DLGAP2: variants seen among roughly 807,000 people sequenced by gnomAD.
DLGAP2 encodes the protein disks large-associated protein 2.
In DLGAP2, 26 loss-of-function variants were observed where a neutral mutation model predicts 100.3. That is an observed-to-expected ratio of 0.26 (90% CI 0.19 to 0.36). The LOEUF (loss-of-function observed/expected upper bound fraction) is 0.36. DLGAP2 is among the 10% of genes least tolerant of loss of function. The probability of loss-of-function intolerance (pLI) is 1.00; values close to 1 mark genes in which losing one functional copy is unlikely to be tolerated. For missense variants in DLGAP2, 1,858 were observed against 1,453.2 expected (o/e 1.28, Z -4.53); for synonymous variants, 886 against 630.1 (o/e 1.41, Z -6.08).
chr8:824,855 C>G (rs141707201), intron 1 of DLGAP2, among the ~76,000 whole-genome samples: 102 of 152,244 alleles, frequency 6.7e-4, no homozygotes, highest in African/African-American at 2.4e-3. Context: ...AGCCTCCAGC[C>G]GCAATTCACT....
chr8:1,676,496 T>C, intron 10 of DLGAP2, 37 bp from the exon 11 acceptor site: 1 of 1,593,634 alleles, frequency 6.3e-7, no homozygotes, highest in Non-Finnish European at 8.6e-7. Context: ...AGGCCCCATG[T>C]TTCAGTTCTA....
At chr8:1,339,733 C>A (rs1563092880) in intron 3 of DLGAP2, among the ~76,000 whole-genome samples, 1 of 152,174 alleles carries the variant, frequency 6.6e-6, no homozygotes, top group Non-Finnish European at 1.5e-5. Context: ...CGCATCAGGG[C>A]AGAGGAGCCA....
At chr8:960,237 C>CTTTTTTTTTTTTTTTTTTT (rs71528625) in intron 2 of DLGAP2, among the ~76,000 whole-genome samples, 3,003 of 44,482 alleles carry the variant, frequency 0.068, 1,174 homozygotes, top group East Asian at 0.17. Flanking sequence ...TGAAGTATAT[C>CTTTTTTTTTTTTTTTTTTT]TTTTTTTTTT....
intron 2 of DLGAP2, among the ~76,000 whole-genome samples, chr8:1,022,334 C>G (rs1801648548): frequency 6.8e-6 from 1 of 146,626 alleles, no homozygotes; most frequent in African/African-American, 2.5e-5. Context: ...AGTGGACGGT[C>G]CCGTGCCGAG....
intron 4 of DLGAP2, among the ~76,000 whole-genome samples, chr8:1,506,540 G>A (rs1222675996): frequency 1.3e-5 from 2 of 152,192 alleles, no homozygotes; most frequent in African/African-American, 2.4e-5. Context: ...CAAAGAGTGA[G>A]CAACAGCAAG....
chr8:866,880 C>G (rs896464053), intron 1 of DLGAP2, among the ~76,000 whole-genome samples: 1 of 152,146 alleles, frequency 6.6e-6, no homozygotes, highest in African/African-American at 2.4e-5. Context: ...AGCCGGTGTT[C>G]TCCTGTCGCC....
chr8:1,700,400 T>C (rs930030121), intron 14 of DLGAP2, among the ~76,000 whole-genome samples: 1 of 72,380 alleles, frequency 1.4e-5, no homozygotes, highest in African/African-American at 7.8e-5. Flanking sequence ...GGTCCCACTG[T>C]CTTTAGGAAC....
intron 8 of DLGAP2, among the ~76,000 whole-genome samples, chr8:1,659,227 CT>C (rs1453284803): frequency 1.3e-5 from 2 of 152,136 alleles, no homozygotes; most frequent in African/African-American, 2.4e-5. Context: ...GATTTCCATC[CT>C]TTTGCATTTG....
intron 2 of DLGAP2, among the ~76,000 whole-genome samples, chr8:1,251,515 C>T (rs1401217160): frequency 1.3e-5 from 2 of 152,194 alleles, no homozygotes; most frequent in African/African-American, 2.4e-5. Context: ...TGGCTCACTG[C>T]AGCCTCAAAT....
chr8:1,486,969 G>C (rs1295837813), intron 3 of DLGAP2, among the ~76,000 whole-genome samples: 1 of 152,120 alleles, frequency 6.6e-6, no homozygotes, highest in Non-Finnish European at 1.5e-5. Context: ...ACAATATTGG[G>C]GCCCGCCAAG....
chr8:1,423,441 G>A (rs1015689913), intron 3 of DLGAP2, among the ~76,000 whole-genome samples: 3 of 152,170 alleles, frequency 2.0e-5, no homozygotes, highest in East Asian at 3.9e-4. Flanking sequence ...TGTGCTCCGC[G>A]AGGTCTGATG....
At chr8:763,127 T>G (rs1351932958) in intron 1 of DLGAP2, among the ~76,000 whole-genome samples, 3 of 150,800 alleles carry the variant, frequency 2.0e-5, no homozygotes, top group Non-Finnish European at 2.9e-5. Context: ...CTGGTGGGTT[T>G]AGGAGTGCAG....
intron 3 of DLGAP2, among the ~76,000 whole-genome samples, chr8:1,277,277 C>G (rs2116941716): frequency 6.6e-6 from 1 of 152,282 alleles, no homozygotes; most frequent in South Asian, 2.1e-4. Flanking sequence ...ATATCTGTGC[C>G]TATGTAGCCC....
At chr8:1,106,398 AGGGTTTT>A (rs1469075257) in intron 2 of DLGAP2, among the ~76,000 whole-genome samples, 1 of 149,146 alleles carries the variant, frequency 6.7e-6, no homozygotes, top group Non-Finnish European at 1.5e-5. Flanking sequence ...CCATTCTAGG[AGGGTTTT>A]CTATTGAAGG....
intron 5 of DLGAP2, among the ~76,000 whole-genome samples, chr8:1,563,325 TG>T (rs1388223079): frequency 2.2e-5 from 1 of 45,890 alleles, no homozygotes; most frequent in African/African-American, 9.2e-5. Flanking sequence ...GCCTCGTTAC[TG>T]GGGGGCTGTG....
rs1009952321 is a variant in DLGAP2 at position 1,169,285 on chromosome 8, C to A, written c.74-89566C>A. ...TACCATGCTGTTTTGGTTACTGTAG[C>A]CTTGTAATATACTTTGAAGTCAGGT... On this transcript the variant is annotated intron_variant, in intron 2 of 14. Transcript: ENST00000637795. Among the ~76,000 whole-genome samples the A allele has an allele frequency of 1.2e-4, 19 of 152,262 alleles. 1 individual carries two copies. The highest frequency in any genetic ancestry group is 3.6e-4 in the African/African-American group (15 of 41,540).
chr8:1,115,032 C>A (rs1805073885), intron 2 of DLGAP2, among the ~76,000 whole-genome samples: 1 of 152,158 alleles, frequency 6.6e-6, no homozygotes, highest in African/African-American at 2.4e-5. Context: ...TTAACTTCTA[C>A]TTTTATTGTG....
At chr8:1,677,554 G>T (rs1223925742) in intron 11 of DLGAP2, among the ~76,000 whole-genome samples, 2 of 152,150 alleles carry the variant, frequency 1.3e-5, no homozygotes, top group African/African-American at 4.8e-5. Flanking sequence ...ACACGATACA[G>T]AGCATACCCA....
chr8:1,125,474 C>G (rs747935675), intron 2 of DLGAP2, among the ~76,000 whole-genome samples: 3 of 152,062 alleles, frequency 2.0e-5, no homozygotes, highest in Non-Finnish European at 4.4e-5. Flanking sequence ...AATAAATATT[C>G]CTAGATTGTG....
Sources: allele counts gnomAD v4.1 joint callset (sites outside exome capture counted in the v4.1 genomes callset), GRCh38; gene constraint gnomAD v4.1.1; transcripts MANE v1.5; gene names NCBI Gene and HGNC (gene_info 2026-07-23, HGNC 2026-07-21).